Variants in EIF4G3 observed in about 807,000 individuals in gnomAD.
EIF4G3 encodes the protein eukaryotic translation initiation factor 4 gamma 3.
A neutral mutation model predicts 186.4 loss-of-function variants in EIF4G3; 34 were observed. The observed-to-expected ratio is 0.18, with a 90% CI of 0.14 to 0.24. EIF4G3 has a LOEUF of 0.24. EIF4G3 is among the 10% of genes least tolerant of loss of function. EIF4G3 has a pLI of 1.00. For synonymous variants in EIF4G3, 673 were observed against 679.5 expected (o/e 0.99, Z 0.15); for missense variants, 1,536 against 1,948.5 (o/e 0.79, Z 3.99).
At chr1:20,905,743 T>G (rs1239305702) in intron 14 of EIF4G3, among the ~76,000 whole-genome samples, 1 of 152,174 alleles carries the variant, frequency 6.6e-6, no homozygotes, top group Non-Finnish European at 1.5e-5. Context: ...GATATTAAAC[T>G]GCTTCTACAG....
intron 4 of EIF4G3, among the ~76,000 whole-genome samples, chr1:21,032,696 CAA>C (rs992013349): frequency 2.6e-5 from 4 of 151,968 alleles, no homozygotes; most frequent in Non-Finnish European, 5.9e-5. Context: ...GAGTTACTAA[CAA>C]AAAGCAATAC....
intron 3 of EIF4G3, among the ~76,000 whole-genome samples, chr1:21,052,126 TCAG>T (rs930906456): frequency 6.6e-6 from 1 of 152,188 alleles, no homozygotes; most frequent in African/African-American, 2.4e-5. Flanking sequence ...TGAAAAATAA[TCAG>T]CATGTTTTTA....
chr1:20,875,568 C>A (rs1419525076), intron 20 of EIF4G3, among the ~76,000 whole-genome samples: 3 of 152,268 alleles, frequency 2.0e-5, no homozygotes, highest in South Asian at 4.1e-4. Flanking sequence ...CCAGAAAGCA[C>A]ATATGTTAGT....
intron 35 of EIF4G3, among the ~76,000 whole-genome samples, chr1:20,812,490 G>A (rs1457993440): frequency 2.0e-5 from 3 of 152,194 alleles, no homozygotes; most frequent in African/African-American, 7.2e-5. Flanking sequence ...TCAAAATAGA[G>A]ACAGACTTGA....
intron 3 of EIF4G3, among the ~76,000 whole-genome samples, chr1:21,083,037 CAAAAAAAAAAAAAAAAAAAAAAAA>C (rs544781256): frequency 1.5e-5 from 1 of 66,432 alleles, no homozygotes; most frequent in Non-Finnish European, 2.5e-5. Flanking sequence ...GACTCTGTCT[CAAAAAAAAAAAAAAAAAAAAAAAA>C]AAAAAAAAAA....
chr1:20,884,463 A>T (rs140401665), intron 19 of EIF4G3, among the ~76,000 whole-genome samples: 2 of 152,368 alleles, frequency 1.3e-5, no homozygotes, highest in African/African-American at 4.8e-5. Flanking sequence ...AGTGCCTTAA[A>T]TACATCTTCA....
intron 2 of EIF4G3, among the ~76,000 whole-genome samples, chr1:21,148,842 C>A (rs2097501466): frequency 6.6e-6 from 1 of 151,136 alleles, no homozygotes; most frequent in Admixed American, 6.6e-5. Context: ...AAAAAAAAAT[C>A]CAACAATAAG....
rs150268294 is a variant in EIF4G3 at position 20,810,658 on chromosome 1, A to G, written c.4744+80T>C. 6.9e-4 allele frequency: 1,028 copies of G among 1,480,302 alleles called. 9 individuals carry two copies. The African/African-American group carries it at 0.012, about 17-fold the overall frequency. The allele number at this position is 1,480,302 out of a possible 1,614,324, so 91.7% of individuals were successfully genotyped here. Reference sequence around the variant, plus strand: ...TGATTCTTTTATTGTCCTTTGTTCGAACCCTAAATCATCTCTAAGTCCTGG... The same window carrying G: ...TGATTCTTTTATTGTCCTTTGTTCGGACCCTAAATCATCTCTAAGTCCTGG... On this transcript the variant is annotated intron_variant, in intron 36 of 36. Coordinates refer to ENST00000602326, the MANE Select transcript of EIF4G3 (RefSeq NM_001391906.1). This position sits in a 1 kb window ranked among gnomAD's most constrained non-coding sequence, Gnocchi z 4.1.
intron 14 of EIF4G3, among the ~76,000 whole-genome samples, chr1:20,923,064 A>T (rs1431758703): frequency 1.3e-5 from 2 of 152,196 alleles, no homozygotes; most frequent in African/African-American, 2.4e-5. Flanking sequence ...TGGGGCTAGA[A>T]CTGAAACACA....
chr1:21,168,641 G>T (rs1321174364), intron 2 of EIF4G3, among the ~76,000 whole-genome samples: 3 of 151,794 alleles, frequency 2.0e-5, no homozygotes, highest in Non-Finnish European at 4.4e-5. Context: ...GCCCAGGCTG[G>T]TCTCAAATTC....
Position 20,904,892 on chromosome 1 carries a change from T to C in EIF4G3, c.1743A>G (p.Ala581=). Residue 581 remains alanine, a synonymous_variant, in exon 15 of 37, where the codon GCA becomes GCG. Transcript: ENST00000602326. ...RTRTTEEMLE[A]ELELKAEEEL... Reference sequence around the variant, plus strand: ...TAAGAGATTTGCTTACCTCCAATTCTGCCTCTAACATCTCTTCAGTGGTTC... The same window carrying C: ...TAAGAGATTTGCTTACCTCCAATTCCGCCTCTAACATCTCTTCAGTGGTTC... 1 of 1,613,582 alleles carries C rather than the reference T, an allele frequency of 6.2e-7. No homozygotes were observed.
chr1:20,895,299 A>G, intron 17 of EIF4G3, 69 bp downstream of exon 17: 1 of 1,514,192 alleles, frequency 6.6e-7, no homozygotes, highest in African/African-American at 1.4e-5. Flanking sequence ...CATACTTCAC[A>G]TATTTGCTCT....
chr1:21,037,869 C>A (rs2093328635), intron 4 of EIF4G3, among the ~76,000 whole-genome samples: 1 of 152,168 alleles, frequency 6.6e-6, no homozygotes. Context: ...AGGGAAAAGG[C>A]ACTGTTCCAC....
In EIF4G3 at chr1:20,981,003, T is replaced by C. The variant is rs758585880; in HGVS notation, c.378+45A>G. 1.1e-5 allele frequency: 15 copies of C among 1,426,088 alleles called. No individual in the cohort carries two copies. In the South Asian group the frequency reaches 1.6e-4, roughly 15 times the overall value. 88.3% of individuals were successfully genotyped at this position (1,426,088 alleles called of 1,614,324 possible). A position where few individuals can be genotyped will look rare whatever the true frequency, so the allele number is the denominator to read the frequency against. Reference sequence around the variant, plus strand: ...TCCCTCTGATGTGAATCCGGGTTAATTTCCACTCTATTGCTGGACCACCTA... The same window carrying C: ...TCCCTCTGATGTGAATCCGGGTTAACTTCCACTCTATTGCTGGACCACCTA... On this transcript the variant is annotated intron_variant, in intron 9 of 36. Transcript: ENST00000602326.
rs2096550664 is a variant in EIF4G3 at position 20,960,676 on chromosome 1, T to G, written c.714+8798A>C. On this transcript the variant is annotated intron_variant, in intron 12 of 36. Transcript: ENST00000602326. ...GCTGAGGTGGAGGTGGGAGGATTGC[T>G]TGAGCCCAGGATGTCAAGGCTGCAG... 2.0e-5 allele frequency among the ~76,000 whole-genome samples: 3 copies of G among 152,080 alleles called. No individual in the cohort carries two copies. In the South Asian group the frequency reaches 6.2e-4, roughly 32 times the overall value.
At chr1:20,985,515 CAAA>C (rs57715624) in intron 7 of EIF4G3, among the ~76,000 whole-genome samples, 1 of 102,124 alleles carries the variant, frequency 9.8e-6, no homozygotes, top group Non-Finnish European at 2.2e-5. Context: ...ACTAGAAATG[CAAA>C]AAAAAAAAAA....
At chr1:20,902,473 G>A (rs1054515895) in intron 15 of EIF4G3, among the ~76,000 whole-genome samples, 1 of 152,084 alleles carries the variant, frequency 6.6e-6, no homozygotes, top group African/African-American at 2.4e-5. Flanking sequence ...ATAAATCTAA[G>A]AAAGGGGGAG....
chr1:21,148,882 T>C (rs1052450983), intron 2 of EIF4G3, among the ~76,000 whole-genome samples: 3 of 151,630 alleles, frequency 2.0e-5, no homozygotes, highest in Non-Finnish European at 2.9e-5. Flanking sequence ...TGTGGCACAG[T>C]CATATATCTA....
intron 4 of EIF4G3, among the ~76,000 whole-genome samples, chr1:21,006,275 A>C (rs541124670): frequency 6.6e-6 from 1 of 152,370 alleles, no homozygotes; most frequent in Admixed American, 6.5e-5. Context: ...AAAACAATGC[A>C]AAATTTCAGT....
Sources: gnomAD v4.1 joint callset for allele counts (sites outside exome capture counted in the v4.1 genomes callset) on GRCh38, gnomAD v4.1.1 for gene constraint, Gnocchi (gnomAD v3.1) non-coding constraint, MANE v1.5 for transcripts, NCBI Gene and HGNC (gene_info 2026-07-23, HGNC 2026-07-21) for gene names.